Variants in DHRSX observed in about 807,000 individuals in gnomAD.
DHRSX encodes dehydrogenase/reductase X-linked.
A neutral mutation model predicts 34.0 loss-of-function variants in DHRSX; 31 were observed. That is an observed-to-expected ratio of 0.91 (90% CI 0.69 to 1.23). The LOEUF (loss-of-function observed/expected upper bound fraction) is 1.23. Ranked by LOEUF, DHRSX falls within the 50% of genes most tolerant of loss-of-function variation. The pLI, the probability that DHRSX is intolerant of heterozygous loss-of-function variation, is 0.00. For synonymous variants in DHRSX, 201 were observed against 183.8 expected, an observed-to-expected ratio of 1.09 and a Z score of -0.76; for missense variants, 414 against 428.1, an observed-to-expected ratio of 0.97 and a Z score of 0.29.
chrX:2,332,107 C>G (rs1259290768), intron 3 of DHRSX, among the ~76,000 whole-genome samples: 7 of 152,178 alleles, frequency 4.6e-5, no homozygotes, highest in African/African-American at 1.7e-4. Context: ...TCACCATTCA[C>G]TAAGTGCTCA....
intron 3 of DHRSX, among the ~76,000 whole-genome samples, chrX:2,313,400 G>A (rs1268667642): frequency 1.1e-4 from 17 of 148,066 alleles, no homozygotes; most frequent in African/African-American, 4.0e-4. Flanking sequence ...ATGTAGTCTC[G>A]CTCTGTCGCC....
rs181361621 is a variant in DHRSX at position 2,394,808 on chromosome X, G to A, written c.286+13937C>T. On this transcript the variant is annotated intron_variant, in intron 3 of 6. Coordinates refer to ENST00000334651, the MANE Select transcript of DHRSX (RefSeq NM_145177.3). Reference sequence around the variant, plus strand: ...GTGAACCTGGGAGGCGGAAGTTGCCGTGAGCCGAGATTGTGCCACTGCACT... The same window carrying A: ...GTGAACCTGGGAGGCGGAAGTTGCCATGAGCCGAGATTGTGCCACTGCACT... 4.4e-3 allele frequency among the ~76,000 whole-genome samples: 667 copies of A among 152,052 alleles called. 7 individuals carry two copies. Among genetic ancestry groups the A allele is most frequent in the African/African-American group, 0.015 (619 of 41,466 alleles).
intron 1 of DHRSX, among the ~76,000 whole-genome samples, chrX:2,475,440 A>C (rs1465739381): frequency 6.6e-6 from 1 of 151,056 alleles, no homozygotes; most frequent in Non-Finnish European, 1.5e-5. Context: ...GTCCCTAAGC[A>C]TGTGGCACAA....
At chrX:2,289,619 G>GA (rs2041843819) in intron 4 of DHRSX, among the ~76,000 whole-genome samples, 2 of 152,216 alleles carry the variant, frequency 1.3e-5, no homozygotes, top group Admixed American at 6.5e-5. Context: ...GTGTTACACA[G>GA]AACGAGGAAA....
chrX:2,284,901 T>C (rs1464434105), intron 4 of DHRSX, among the ~76,000 whole-genome samples: 1 of 152,172 alleles, frequency 6.6e-6, no homozygotes, highest in African/African-American at 2.4e-5. Context: ...CCTTGATTGC[T>C]CTAAGAATAA....
At chrX:2,268,482 A>T (rs1171295244) in intron 4 of DHRSX, among the ~76,000 whole-genome samples, 1 of 152,228 alleles carries the variant, frequency 6.6e-6, no homozygotes, top group African/African-American at 2.4e-5. Context: ...ATATAGCTAT[A>T]CACTTGGGTA....
intron 3 of DHRSX, 29 bp from the exon 4 acceptor site, chrX:2,291,632 T>C (rs2041866388): frequency 6.7e-7 from 1 of 1,503,686 alleles, no homozygotes; most frequent in South Asian, 1.1e-5. Flanking sequence ...AAAAAATACC[T>C]GGTTATCTCC....
At chrX:2,244,241 T>C (rs35914563) in intron 5 of DHRSX, among the ~76,000 whole-genome samples, 2,877 of 152,184 alleles carry the variant, frequency 0.019, 45 homozygotes, top group Middle Eastern at 0.044. Context: ...AGAAATGTTT[T>C]AGTATCACAG....
chrX:2,318,502 C>T (rs762372166), intron 3 of DHRSX, among the ~76,000 whole-genome samples: 23 of 151,714 alleles, frequency 1.5e-4, no homozygotes, highest in East Asian at 1.2e-3. Context: ...ACCAAGATGG[C>T]GACGAGACTG....
rs200751250 is a variant in DHRSX at position 2,465,220 on chromosome X, TC to T, written c.109+35596del. ...AGACATTGTGGGTGTACCACACACTTCCTACAGCTGTGGGAAAATGAGGCTC... is the reference window on the plus strand; with the variant it reads ...AGACATTGTGGGTGTACCACACACTTCTACAGCTGTGGGAAAATGAGGCTC... On this transcript the variant is annotated intron_variant, in intron 1 of 6. Coordinates refer to ENST00000334651, the MANE Select transcript of DHRSX (RefSeq NM_145177.3). 5.4e-3 allele frequency among the ~76,000 whole-genome samples: 820 copies of T among 152,262 alleles called. 10 individuals are homozygous for T. The highest frequency in any genetic ancestry group is 0.019 in the African/African-American group (771 of 41,548).
chrX:2,452,986 A>G (rs1279445785), intron 1 of DHRSX, among the ~76,000 whole-genome samples: 2 of 152,226 alleles, frequency 1.3e-5, no homozygotes, highest in African/African-American at 2.4e-5. Context: ...GTCAATCAAC[A>G]GATGAGTGCA....
At chrX:2,453,642 G>C (rs2044256104) in intron 1 of DHRSX, among the ~76,000 whole-genome samples, 1 of 152,050 alleles carries the variant, frequency 6.6e-6, no homozygotes, top group South Asian at 2.1e-4. Flanking sequence ...CTGTACTCCA[G>C]CCTGGCTATA....
intron 3 of DHRSX, among the ~76,000 whole-genome samples, chrX:2,309,671 G>C (rs1300924193): frequency 6.6e-6 from 1 of 152,158 alleles, no homozygotes; most frequent in African/African-American, 2.4e-5. Flanking sequence ...AGCATTTTGA[G>C]AGGCCGAGGT....
chrX:2,500,531 G>A, intron 1 of DHRSX: 1 of 163,226 alleles, frequency 6.1e-6, no homozygotes, highest in Non-Finnish European at 1.3e-5. Flanking sequence ...GCCCGACCCG[G>A]GACAGGCGGG....
chrX:2,444,885 A>G (rs2044108525), intron 1 of DHRSX, among the ~76,000 whole-genome samples: 1 of 151,776 alleles, frequency 6.6e-6, no homozygotes. Context: ...GGCTGGGCGG[A>G]GTAGCTCACA....
At chrX:2,478,991 C>A (rs1289132948) in intron 1 of DHRSX, among the ~76,000 whole-genome samples, 1 of 151,708 alleles carries the variant, frequency 6.6e-6, no homozygotes, top group Non-Finnish European at 1.5e-5. Context: ...AGGCATGGGG[C>A]CAAGGGATGG....
intron 3 of DHRSX, among the ~76,000 whole-genome samples, chrX:2,397,930 G>GCACACA (rs111697078): frequency 0.023 from 3,140 of 138,502 alleles, 156 homozygotes; most frequent in African/African-American, 0.063. Flanking sequence ...CTCAGAGCGC[G>GCACACA]CACACACACA....
intron 1 of DHRSX, among the ~76,000 whole-genome samples, chrX:2,441,585 G>A (rs1160553804): frequency 4.6e-5 from 7 of 152,116 alleles, no homozygotes; most frequent in African/African-American, 7.2e-5. Context: ...ACATGATGTC[G>A]CAGCTCAAGT....
At chrX:2,448,046 C>CA (rs1351589785) in intron 1 of DHRSX, among the ~76,000 whole-genome samples, 1 of 151,150 alleles carries the variant, frequency 6.6e-6, no homozygotes, top group African/African-American at 2.4e-5. Flanking sequence ...AAAACAAAAA[C>CA]AAAAAAATTA....
Sources: allele counts gnomAD v4.1 joint callset (sites outside exome capture counted in the v4.1 genomes callset), GRCh38; gene constraint gnomAD v4.1.1; transcripts MANE v1.5; gene names NCBI Gene and HGNC (gene_info 2026-07-23, HGNC 2026-07-21).